The following HACD4 variants were observed in gnomAD, a reference collection of about 807,000 sequenced individuals.
HACD4 encodes 3-hydroxyacyl-CoA dehydratase 4, also known as very-long-chain (3R)-3-hydroxyacyl-CoA dehydratase 4.
In HACD4, 35 loss-of-function variants were observed where a neutral mutation model predicts 33.3. That is an observed-to-expected ratio of 1.05 (90% confidence interval 0.80 to 1.39). HACD4 has a LOEUF of 1.39. Ranked by LOEUF, HACD4 falls within the 40% of genes most tolerant of loss-of-function variation. The pLI, the probability that HACD4 is intolerant of heterozygous loss-of-function variation, is 0.00. For missense variants in HACD4, 323 were observed against 276.5 expected (o/e 1.17, Z -1.19); for synonymous variants, 118 against 98.0 (o/e 1.20, Z -1.21).
intron 4 of HACD4, 142 bp from the exon 5 acceptor site, chr9:21,011,837 T>G (rs1447106294): frequency 5.5e-6 from 3 of 545,820 alleles, no homozygotes; most frequent in Non-Finnish European, 6.4e-6. Flanking sequence ...TAAGGAAGAG[T>G]TTTTTTTAAA....
At chr9:21,012,539 C>G (rs368175802) in intron 4 of HACD4, among the ~76,000 whole-genome samples, 27 of 152,254 alleles carry the variant, frequency 1.8e-4, no homozygotes, top group African/African-American at 6.0e-4. Flanking sequence ...TGAATTCCAC[C>G]CCTCAGAGAC....
intron 4 of HACD4, 39 bp from the exon 5 acceptor site, chr9:21,011,734 C>T: frequency 9.1e-7 from 1 of 1,104,938 alleles, no homozygotes; most frequent in Non-Finnish European, 1.4e-6. Context: ...TCATTTTCTG[C>T]TAATATCTGG....
At chr9:21,030,818 T>TA (rs1259763578) in intron 1 of HACD4, among the ~76,000 whole-genome samples, 2 of 152,148 alleles carry the variant, frequency 1.3e-5, no homozygotes, top group Non-Finnish European at 2.9e-5. Flanking sequence ...GCTGGGGAGA[T>TA]GACTAAGAGA....
At chr9:21,014,733 T>C (rs1342065592) in intron 4 of HACD4, among the ~76,000 whole-genome samples, 2 of 152,202 alleles carry the variant, frequency 1.3e-5, no homozygotes, top group Admixed American at 6.5e-5. Flanking sequence ...AAAACTGTTA[T>C]TAAAATAAGA....
chr9:21,018,188 A>C (rs1308527843), intron 3 of HACD4, among the ~76,000 whole-genome samples: 1 of 152,228 alleles, frequency 6.6e-6, no homozygotes, highest in African/African-American at 2.4e-5. Flanking sequence ...ATGTTCTTAA[A>C]TTGAAATAAA....
intron 1 of HACD4, 143 bp downstream of exon 1, chr9:21,031,410 T>C: frequency 7.7e-7 from 1 of 1,302,630 alleles, no homozygotes; most frequent in Non-Finnish European, 9.7e-7. Flanking sequence ...CTGCATGAGC[T>C]CCAAGGGGTG....
chr9:21,008,525 T>C (rs1842329888), intron 5 of HACD4, among the ~76,000 whole-genome samples: 1 of 152,148 alleles, frequency 6.6e-6, no homozygotes, highest in African/African-American at 2.4e-5. Context: ...CACATTAACA[T>C]AGTAGAACAC....
chr9:21,014,946 T>G (rs1842521490), intron 4 of HACD4, among the ~76,000 whole-genome samples: 1 of 152,152 alleles, frequency 6.6e-6, no homozygotes, highest in South Asian at 2.1e-4. Context: ...AGTAACATAC[T>G]AGAAAGCTTC....
intron 2 of HACD4, among the ~76,000 whole-genome samples, chr9:21,028,749 G>A (rs1818129481): frequency 6.6e-6 from 1 of 152,156 alleles, no homozygotes; most frequent in Non-Finnish European, 1.5e-5. Context: ...GAAACTAGAG[G>A]AAGTTTATGA....
In HACD4 at chr9:21,005,597, A is replaced by C. The variant is rs1048130136; in HGVS notation, c.*1440T>G. ...TCAAGAAAAGGAGAAACTGACCCGG[A>C]ACAATGATTCAGAGAACATCAGTGG... On this transcript the variant is annotated 3_prime_UTR_variant, in exon 7 of 7. Coordinates refer to ENST00000495827, the MANE Select transcript of HACD4 (RefSeq NM_001010915.5). This position sits in a 1 kb window ranked among gnomAD's most constrained non-coding sequence, Gnocchi z 4.0. 8.5e-5 allele frequency: 13 copies of C among 152,370 alleles called. No homozygotes were observed. Among genetic ancestry groups the C allele is most frequent in the Admixed American group, 7.8e-4 (12 of 15,306 alleles). 9.4% of individuals were successfully genotyped at this position (152,370 alleles called of 1,614,324 possible).
At chr9:21,029,755 C>G (rs1475317153) in intron 1 of HACD4, among the ~76,000 whole-genome samples, 3 of 152,176 alleles carry the variant, frequency 2.0e-5, no homozygotes, top group African/African-American at 4.8e-5. Context: ...CTCAGAACAC[C>G]TACATTAGCT....
intron 5 of HACD4, among the ~76,000 whole-genome samples, chr9:21,008,819 TATC>T (rs1842338107): frequency 6.6e-6 from 1 of 152,144 alleles, no homozygotes; most frequent in Non-Finnish European, 1.5e-5. Flanking sequence ...TGTAAGATGT[TATC>T]ATTAGGGTAA....
intron 1 of HACD4, 107 bp downstream of exon 1, chr9:21,031,446 G>A: frequency 4.5e-6 from 6 of 1,347,460 alleles, no homozygotes; most frequent in Non-Finnish European, 5.7e-6. Context: ...GCTGCGCCTT[G>A]CTGGCGGGCG....
Position 21,003,094 on chromosome 9 carries a change from T to A in HACD4, c.*3943A>T, listed in dbSNP as rs1842192097. ...AACCACAGTAGTATTAACAATTGTG[T>A]CTGTCACCAAAGGAAATGTAAGATC... is the stretch of plus-strand genomic sequence containing the variant. On this transcript the variant is annotated 3_prime_UTR_variant, in exon 7 of 7. Transcript: ENST00000495827. 1 of 152,294 alleles carries A rather than the reference T, an allele frequency of 6.6e-6. No homozygotes were observed. Among genetic ancestry groups the A allele is most frequent in the South Asian group, 2.1e-4 (1 of 4,828 alleles). 9.4% of individuals were successfully genotyped at this position (152,294 alleles called of 1,614,324 possible). A position where few individuals can be genotyped will look rare whatever the true frequency, so the allele number is the denominator to read the frequency against.
At chr9:21,019,144 T>G (rs1817834606) in intron 3 of HACD4, among the ~76,000 whole-genome samples, 1 of 152,138 alleles carries the variant, frequency 6.6e-6, no homozygotes, top group African/African-American at 2.4e-5. Flanking sequence ...TATTCATCAT[T>G]CAATAGATAA....
At position 21,014,226 on chromosome 9, in the gene HACD4, T is replaced by G. The variant is rs1842504699; in HGVS notation, c.383+1672A>C. Among the ~76,000 whole-genome samples the G allele has an allele frequency of 2.0e-5, 3 of 152,156 alleles. No homozygotes were observed. The South Asian group carries it at 6.2e-4, about 31-fold the overall frequency. The stretch of plus-strand genomic sequence containing the variant: ...TGCCTTGGAATTTCACTCCTAGGTA[T>G]AAGGGAAATGAAAACATGTGCACAC... On this transcript the variant is annotated intron_variant, in intron 4 of 6. Coordinates refer to ENST00000495827, the MANE Select transcript of HACD4 (RefSeq NM_001010915.5).
chr9:21,016,032 C>T, intron 3 of HACD4, 22 bp from the exon 4 acceptor site: 1 of 1,535,210 alleles, frequency 6.5e-7, no homozygotes, highest in Non-Finnish European at 9.0e-7. Flanking sequence ...ACAGCAAAGT[C>T]AGAAATTAGG....
chr9:21,019,410 T>A (rs577331140), intron 3 of HACD4, among the ~76,000 whole-genome samples: 11 of 152,122 alleles, frequency 7.2e-5, no homozygotes, highest in Non-Finnish European at 1.3e-4. Flanking sequence ...AATTATTATA[T>A]ACAGGAAAAG....
intron 6 of HACD4, 36 bp from the exon 7 acceptor site, chr9:21,007,155 G>A (rs546025959): frequency 1.9e-6 from 2 of 1,045,534 alleles, no homozygotes; most frequent in East Asian, 2.4e-5. Flanking sequence ...AGTAAGTAAG[G>A]TTAACTATTT....
Sources: allele counts gnomAD v4.1 joint callset (sites outside exome capture counted in the v4.1 genomes callset), GRCh38; gene constraint gnomAD v4.1.1; non-coding constraint Gnocchi (gnomAD v3.1); transcripts MANE v1.5; gene names NCBI Gene and HGNC (gene_info 2026-07-23, HGNC 2026-07-21).